The following NLRP7 variants were observed in gnomAD, a reference collection of about 807,000 sequenced individuals.
NLRP7 encodes the protein NACHT, LRR and PYD domains-containing protein 7.
Under a neutral mutation model 85.5 loss-of-function variants are expected in NLRP7, and 72 were observed. The ratio of observed to expected loss-of-function variants is 0.84; its 90% CI spans 0.70 to 1.02. The LOEUF is 1.02. Ranked by LOEUF, NLRP7 falls within the 50% of genes least tolerant of loss-of-function variation. The pLI, the probability that NLRP7 is intolerant of heterozygous loss-of-function variation, is 0.00. For synonymous variants in NLRP7, 550 were observed against 505.2 expected (o/e 1.09, Z -1.19); for missense variants, 1,243 against 1,219.5 (o/e 1.02, Z -0.29).
Position 54,934,772 on chromosome 19 carries a change from T to A in NLRP7, c.2301-113A>T. The A allele has an allele frequency of 1.2e-6, 1 of 834,564 alleles. No individual in the cohort carries two copies. The highest frequency in any genetic ancestry group is 1.8e-6 in the Non-Finnish European group (1 of 541,234). 51.7% of individuals were successfully genotyped at this position (834,564 alleles called of 1,614,324 possible). On this transcript the variant is annotated intron_variant, in intron 6 of 9. Transcript: ENST00000340844. The surrounding 1 kb of genome is among the most constrained non-coding windows in gnomAD (Gnocchi z 6.7). ...TTGCCCAGTCTGGAATGCAAAGGCG[T>A]GATCTCACCTCACTGCAGCCTCCGC...
At chr19:54,956,942 AC>A (rs2069877056) in intron 1 of NLRP7, among the ~76,000 whole-genome samples, 1 of 151,518 alleles carries the variant, frequency 6.6e-6, no homozygotes, top group Non-Finnish European at 1.5e-5. Context: ...CTTTTATCAT[AC>A]CTTAATTTGC....
chr19:54,963,270 T>C (rs556922638), intron 1 of NLRP7, among the ~76,000 whole-genome samples: 2 of 152,144 alleles, frequency 1.3e-5, no homozygotes, highest in South Asian at 2.1e-4. Flanking sequence ...TGATGGCGTA[T>C]GCCTGTAGCC....
At chr19:54,947,083 G>A (rs2069507014) in intron 1 of NLRP7, among the ~76,000 whole-genome samples, 1 of 152,044 alleles carries the variant, frequency 6.6e-6, no homozygotes, top group African/African-American at 2.4e-5. Context: ...CCAGCACTTT[G>A]GGAGGCCGAG....
intron 1 of NLRP7, among the ~76,000 whole-genome samples, chr19:54,943,186 C>T (rs976068152): frequency 9.9e-5 from 15 of 151,464 alleles, no homozygotes; most frequent in Non-Finnish European, 2.2e-4. Flanking sequence ...GGAACATACC[C>T]GTAGTCCCAG....
At chr19:54,939,524 C>T (rs148981739) in exon 4 of NLRP7, 1 of 1,613,676 alleles carries the variant, frequency 6.2e-7, no homozygotes, top group Non-Finnish European at 8.5e-7. Flanking sequence ...CAGGTCCTCT[C>T]GGTGGAACAC....
chr19:54,928,641 T>A (rs1309165212), intron 9 of NLRP7, among the ~76,000 whole-genome samples: 1 of 151,980 alleles, frequency 6.6e-6, no homozygotes, highest in East Asian at 1.9e-4. Flanking sequence ...GAAAGTGATA[T>A]GAGGAAAGAA....
intron 1 of NLRP7, among the ~76,000 whole-genome samples, chr19:54,945,252 A>AG (rs1270111729): frequency 2.0e-5 from 3 of 150,322 alleles, no homozygotes; most frequent in Admixed American, 6.6e-5. Flanking sequence ...AAAAAAAAAA[A>AG]AAAGAAAAGA....
chr19:54,956,619 G>A (rs766528909), intron 1 of NLRP7, among the ~76,000 whole-genome samples: 3 of 151,476 alleles, frequency 2.0e-5, no homozygotes, highest in African/African-American at 4.8e-5. Context: ...ACTTGAACCC[G>A]GGAGGCGGAG....
intron 1 of NLRP7, 114 bp downstream of exon 1, chr19:54,947,355 G>T (rs921468898): frequency 1.4e-6 from 1 of 721,534 alleles, no homozygotes; most frequent in Non-Finnish European, 2.0e-6. Flanking sequence ...GATCCTTCCA[G>T]CATCCTCGCA....
At chr19:54,950,243 C>T (rs999265581), upstream of NLRP7, among the ~76,000 whole-genome samples, 3 of 152,156 alleles carry the variant, frequency 2.0e-5, no homozygotes, top group Non-Finnish European at 2.9e-5. Context: ...CCTCCCCCTA[C>T]GCATCTCTTC....
chr19:54,926,205 G>GGTGT (rs138774910), intron 9 of NLRP7, among the ~76,000 whole-genome samples: 26,033 of 143,610 alleles, frequency 0.18, 3,343 homozygotes, highest in African/African-American at 0.36. Flanking sequence ...AATGATTAGG[G>GGTGT]GTGTGTGTGT....
At chr19:54,944,784 T>A (rs1178674556) in intron 1 of NLRP7, among the ~76,000 whole-genome samples, 4 of 151,928 alleles carry the variant, frequency 2.6e-5, no homozygotes, top group African/African-American at 4.8e-5. Flanking sequence ...TAAGTATTTT[T>A]AAAGTAATAT....
chr19:54,936,147 A>G, intron 6 of NLRP7, 114 bp downstream of exon 6: 1 of 905,768 alleles, frequency 1.1e-6, no homozygotes, highest in East Asian at 2.5e-5. Context: ...TGTTTGAGGA[A>G]TACATTCCCT....
chr19:54,947,823 G>A, upstream of NLRP7: 4 of 307,818 alleles, frequency 1.3e-5, no homozygotes, highest in East Asian at 9.1e-5. Context: ...GGTTTTGCAG[G>A]GTACCTGGCT....
chr19:54,938,004 ATCGT>A (rs2069013206), intron 5 of NLRP7, 36 bp downstream of exon 5: 1 of 1,491,082 alleles, frequency 6.7e-7, no homozygotes, highest in African/African-American at 1.4e-5. Context: ...AAGCTTAGTC[ATCGT>A]TCAGGGTCTT....
intron 1 of NLRP7, among the ~76,000 whole-genome samples, chr19:54,963,739 G>C (rs552220454): frequency 6.7e-6 from 1 of 150,144 alleles, no homozygotes; most frequent in Non-Finnish European, 1.5e-5. Context: ...CAGGAGAATC[G>C]CTTGAACTCT....
At chr19:54,944,330 A>G (rs1252900677) in intron 1 of NLRP7, among the ~76,000 whole-genome samples, 1 of 151,824 alleles carries the variant, frequency 6.6e-6, no homozygotes, top group Non-Finnish European at 1.5e-5. Context: ...GCTGGCAGCA[A>G]TACTGCTCTT....
At chr19:54,944,145 G>A (rs1043630279) in intron 1 of NLRP7, among the ~76,000 whole-genome samples, 8 of 152,078 alleles carry the variant, frequency 5.3e-5, no homozygotes, top group African/African-American at 1.2e-4. Context: ...CCCGACACCC[G>A]TAAAGGGTCT....
At chr19:54,932,526 A>G (rs1415780248) in intron 8 of NLRP7, among the ~76,000 whole-genome samples, 1 of 152,152 alleles carries the variant, frequency 6.6e-6, no homozygotes, top group African/African-American at 2.4e-5. Flanking sequence ...TTTTCTAACC[A>G]TAATTTTAAT....
Sources: allele counts gnomAD v4.1 joint callset (sites outside exome capture counted in the v4.1 genomes callset), GRCh38; gene constraint gnomAD v4.1.1; non-coding constraint Gnocchi (gnomAD v3.1); transcripts MANE v1.5; gene names NCBI Gene and HGNC (gene_info 2026-07-23, HGNC 2026-07-21).